The following TCTN2 variants were observed in gnomAD, a reference collection of about 807,000 sequenced individuals.
TCTN2 encodes tectonic family member 2.
Under a neutral mutation model 83.4 loss-of-function variants are expected in TCTN2, and 66 were observed. The ratio of observed to expected loss-of-function variants is 0.79; its 90% CI spans 0.65 to 0.97. The LOEUF is 0.97. TCTN2 is among the 50% of genes least tolerant of loss of function. The pLI, the probability that TCTN2 is intolerant of heterozygous loss-of-function variation, is 0.00. For synonymous variants in TCTN2, 301 were observed against 326.7 expected (o/e 0.92, Z 0.85); for missense variants, 794 against 858.1 (o/e 0.93, Z 0.93).
chr12:123,696,660 C>G, intron 12 of TCTN2, 165 bp downstream of exon 12: 1 of 695,352 alleles, frequency 1.4e-6, no homozygotes, highest in Non-Finnish European at 2.6e-6. Flanking sequence ...TTTCCTGCTT[C>G]TACAGCTTTT....
rs759754931 is a variant in TCTN2, at chr12:123,690,549, A to T, written c.908A>T (p.Gln303Leu). Residue 303 changes from glutamine (Q) to leucine (L), a missense_variant, in exon 8 of 18, where the codon CAG becomes CTG. Transcript: ENST00000303372. The stretch of plus-strand genomic sequence containing the variant: ...CTCCCTCAGGTGTCCCTGGCTGGGC[A>T]GTGTATGCAGAACGCCCCAGTGGCA... ...FTIPQVSLAG[Q>L]CMQNAPVAFL... 2.5e-6 allele frequency: 4 copies of T among 1,614,092 alleles called. No individual in the cohort carries two copies. Among genetic ancestry groups the T allele is most frequent in the Non-Finnish European group, 3.4e-6 (4 of 1,180,044 alleles).
chr12:123,676,031 C>T (rs1198469300), intron 4 of TCTN2, among the ~76,000 whole-genome samples: 1 of 152,122 alleles, frequency 6.6e-6, no homozygotes, highest in Non-Finnish European at 1.5e-5. Context: ...GTAATCCCAA[C>T]ACTTTTAGAG....
chr12:123,671,386 C>T (rs1453868483), intron 1 of TCTN2, 64 bp downstream of exon 1: 1 of 1,597,290 alleles, frequency 6.3e-7, no homozygotes, highest in Admixed American at 1.7e-5. Context: ...TTAAAAGGGC[C>T]AGACTTGGAC....
At chr12:123,675,030 A>G (rs1335530045) in intron 4 of TCTN2, among the ~76,000 whole-genome samples, 1 of 152,018 alleles carries the variant, frequency 6.6e-6, no homozygotes, top group African/African-American at 2.4e-5. Context: ...GGCGTGCACC[A>G]CCACACCTGG....
intron 9 of TCTN2, 103 bp from the exon 10 acceptor site, chr12:123,694,739 G>A: frequency 7.9e-7 from 1 of 1,264,866 alleles, no homozygotes; most frequent in Non-Finnish European, 1.1e-6. Context: ...GAGGGCAGGG[G>A]CAGGGCACTT....
At chr12:123,687,324 C>T (rs1251650011) in intron 6 of TCTN2, among the ~76,000 whole-genome samples, 3 of 152,288 alleles carry the variant, frequency 2.0e-5, no homozygotes, top group Middle Eastern at 6.8e-3. Flanking sequence ...CTGTATTTTA[C>T]AGTTTGGGAT....
Position 123,688,177 on chromosome 12 carries a change from G to A in TCTN2, c.891G>A (p.Gln297=). 2.5e-6 allele frequency: 4 copies of A among 1,611,336 alleles called. No homozygotes were observed. In the South Asian group the frequency reaches 3.3e-5, roughly 13 times the overall value. ...TVKKAYFTIP[Q]VSLAGQCMQN... ...AGAAGGCATATTTTACTATTCCGCA[G>A]GTAATCGTTGCAATATTAGTATGCT... The change falls in exon 7 of 18, where the codon CAG becomes CAA. Residue 297 remains glutamine, a splice_region_variant and synonymous_variant. Transcript: ENST00000303372.
At chr12:123,672,629 A>AG (rs1566242372) in intron 3 of TCTN2, among the ~76,000 whole-genome samples, 1 of 151,288 alleles carries the variant, frequency 6.6e-6, no homozygotes, top group African/African-American at 2.4e-5. Context: ...AGATACTTGG[A>AG]GGGGGGTGGG....
At chr12:123,685,920 T>C (rs989331461) in intron 5 of TCTN2, among the ~76,000 whole-genome samples, 3 of 150,156 alleles carry the variant, frequency 2.0e-5, no homozygotes, top group African/African-American at 7.4e-5. Flanking sequence ...TTGTCGGGGC[T>C]GAGTCTCTCT....
chr12:123,675,885 CA>C (rs1195817574), intron 4 of TCTN2, among the ~76,000 whole-genome samples: 4 of 150,372 alleles, frequency 2.7e-5, no homozygotes, highest in Non-Finnish European at 5.9e-5. Context: ...AAAACAAAGC[CA>C]AAAAAACCGT....
chr12:123,706,985 A>G lies in TCTN2; in HGVS notation c.1896A>G (p.Arg632=). Residue 632 remains arginine, a splice_region_variant and synonymous_variant, in exon 17 of 18, where the codon AGA becomes AGG. Transcript: ENST00000303372. ...IPAQLPHPLT[R]FQINYTEYDC... is the part of the protein sequence containing the mutation. ...TGTAACCCTCTAAAATGTTTTCTAG[A>G]TTCCAGATCAATTATACAGAGTATG... The G allele has an allele frequency of 1.9e-6, 3 of 1,614,126 alleles. No individual in the cohort carries two copies. Among genetic ancestry groups the G allele is most frequent in the South Asian group, 1.1e-5 (1 of 91,078 alleles).
At chr12:123,676,655 T>A (rs1266133502) in intron 4 of TCTN2, among the ~76,000 whole-genome samples, 1 of 151,312 alleles carries the variant, frequency 6.6e-6, no homozygotes, top group Non-Finnish European at 1.5e-5. Context: ...CTTAGAAAAT[T>A]GAACATCTTT....
At chr12:123,691,411 T>C (rs1424050933) in intron 8 of TCTN2, among the ~76,000 whole-genome samples, 1 of 152,208 alleles carries the variant, frequency 6.6e-6, no homozygotes, top group Non-Finnish European at 1.5e-5. Context: ...TGTGGCCTTT[T>C]GTGTCTGGCT....
intron 14 of TCTN2, among the ~76,000 whole-genome samples, chr12:123,703,181 A>G (rs1241471025): frequency 6.7e-6 from 1 of 148,756 alleles, no homozygotes; most frequent in East Asian, 1.9e-4. Context: ...TTTTTTTTTC[A>G]ATTATTATCA....
chr12:123,707,471 C>G, intron 17 of TCTN2, 133 bp from the exon 18 acceptor site: 2 of 847,432 alleles, frequency 2.4e-6, no homozygotes, highest in Non-Finnish European at 4.0e-6. Context: ...GAACTGGCCT[C>G]AAGTGATCCG....
At chr12:123,674,298 G>T (rs1321720750) in intron 4 of TCTN2, among the ~76,000 whole-genome samples, 1 of 151,776 alleles carries the variant, frequency 6.6e-6, no homozygotes, top group Non-Finnish European at 1.5e-5. Context: ...TTGAGATGGA[G>T]TCTAAGTCTG....
In TCTN2 at chr12:123,704,291, A is replaced by C. The variant is rs533071317; in HGVS notation, c.1613-241A>C. 7.2e-5 allele frequency among the ~76,000 whole-genome samples: 11 copies of C among 152,270 alleles called. No homozygotes were observed. The South Asian group carries it at 2.3e-3, about 32-fold the overall frequency. On this transcript the variant is annotated intron_variant, in intron 14 of 17. Transcript: ENST00000303372. ...AAGTGCTGGGATTACGGCGTTAGCC[A>C]CCGCACCCGGCCCATACAAGGAAAC...
intron 4 of TCTN2, 67 bp from the exon 5 acceptor site, chr12:123,679,122 C>G (rs1300904457): frequency 1.6e-5 from 23 of 1,432,020 alleles, no homozygotes; most frequent in Non-Finnish European, 2.3e-5. Context: ...TTTTGAATGT[C>G]AAAAATGTGA....
chr12:123,679,990 C>T (rs576970728), intron 5 of TCTN2, among the ~76,000 whole-genome samples: 20 of 151,146 alleles, frequency 1.3e-4, no homozygotes, highest in East Asian at 6.0e-4. Context: ...CCGCCCGCCT[C>T]GGCCTCCCAA....
Sources: allele counts gnomAD v4.1 joint callset (sites outside exome capture counted in the v4.1 genomes callset), GRCh38; gene constraint gnomAD v4.1.1; transcripts MANE v1.5; gene names NCBI Gene and HGNC (gene_info 2026-07-23, HGNC 2026-07-21).